CDHR3: variants seen among roughly 807,000 people sequenced by gnomAD.
CDHR3 encodes the protein cadherin related family member 3.
In CDHR3, 79 loss-of-function variants were observed where a neutral mutation model predicts 86.6. The observed-to-expected ratio is 0.91, with a 90% CI of 0.76 to 1.10. The LOEUF is 1.10. Among genes scored for constraint, CDHR3 ranks in the 50% least tolerant of loss-of-function variants. CDHR3 has a pLI of 0.00. For synonymous variants in CDHR3, 421 were observed against 402.4 expected, an observed-to-expected ratio of 1.05 and a Z score of -0.55; for missense variants, 1,081 against 1,077.6, an observed-to-expected ratio of 1.00 and a Z score of -0.04.
At chr7:105,976,663 G>A (rs1250128090) in intron 2 of CDHR3, among the ~76,000 whole-genome samples, 5 of 152,210 alleles carry the variant, frequency 3.3e-5, no homozygotes, top group Middle Eastern at 3.4e-3. Context: ...TGTCTTTATG[G>A]ATTTTCCTAT....
intron 1 of CDHR3, among the ~76,000 whole-genome samples, chr7:105,967,397 A>G (rs1283253299): frequency 6.6e-6 from 1 of 152,218 alleles, no homozygotes; most frequent in African/African-American, 2.4e-5. Context: ...GCTATTGTGA[A>G]TAGTGCCACA....
chr7:105,975,028 G>C lies in CDHR3; in HGVS notation c.231G>C (p.Leu77=), dbSNP rs1269310036. 6.2e-7 allele frequency: 1 copy of C among 1,613,878 alleles called. No individual in the cohort carries two copies. Among genetic ancestry groups the C allele is most frequent in the Non-Finnish European group, 8.5e-7 (1 of 1,179,768 alleles). ...PLTEAFRVNW[L]SGTYFEVVTT... is the part of the protein sequence containing the mutation. ...CTGAAGCTTTTAGGGTGAATTGGCT[G>C]TCAGGCACCTACTTTGAGGTAAGTA... The change falls in exon 2 of 19, where the codon CTG becomes CTC. Residue 77 remains leucine (L), a synonymous_variant. Transcript: ENST00000317716.
chr7:106,020,774 C>A (rs1330464284), intron 13 of CDHR3, among the ~76,000 whole-genome samples: 6 of 152,190 alleles, frequency 3.9e-5, no homozygotes, highest in Admixed American at 2.0e-4. Context: ...AGGCATGCCT[C>A]ATTGCACCCA....
intron 1 of CDHR3, among the ~76,000 whole-genome samples, chr7:105,965,530 A>T (rs1461479159): frequency 6.8e-6 from 1 of 146,094 alleles, no homozygotes; most frequent in Non-Finnish European, 1.5e-5. Flanking sequence ...CATGTGTTCT[A>T]ACTCCTATGC....
chr7:105,973,795 C>T (rs555315709), intron 1 of CDHR3, among the ~76,000 whole-genome samples: 4 of 152,176 alleles, frequency 2.6e-5, no homozygotes, highest in South Asian at 2.1e-4. Flanking sequence ...GGTGAAACCT[C>T]GTCTCTACTA....
Position 106,024,527 on chromosome 7 carries a change from C to T in CDHR3, c.2223C>T (p.His741=), listed in dbSNP as rs1488338920. 1.2e-6 allele frequency: 2 copies of T among 1,613,944 alleles called. No homozygotes were observed. The highest frequency in any genetic ancestry group is 2.2e-5 in the East Asian group (1 of 44,896). The part of the protein sequence containing the change: ...VVLLAKAIHR[H]CPCKTGKNKE... The stretch of plus-strand genomic sequence containing the variant: ...TATTGGCCAAAGCCATCCACAGACA[C>T]TGCCCCTGCAAGACTGGGAAGAACA... The change falls in exon 15 of 19, where the codon CAC becomes CAT. Residue 741 remains histidine, a synonymous_variant. Coordinates refer to ENST00000317716, the MANE Select transcript of CDHR3 (RefSeq NM_152750.5).
chr7:106,032,896 AC>A lies in CDHR3; in HGVS notation c.*200del. The A allele has an allele frequency of 1.8e-6, 1 of 563,260 alleles. No homozygotes were observed. Among genetic ancestry groups the A allele is most frequent in the Non-Finnish European group, 3.1e-6 (1 of 320,834 alleles). 34.9% of individuals were successfully genotyped at this position (563,260 alleles called of 1,614,324 possible). On this transcript the variant is annotated 3_prime_UTR_variant, in exon 19 of 19. Transcript: ENST00000317716. ...ACATAGTTGCGTGTTCTGAAATGAT[AC>A]AGGAACATTTTCTATCAGATTTCAG...
At chr7:106,023,718 C>G (rs960158163) in intron 14 of CDHR3, among the ~76,000 whole-genome samples, 1 of 152,172 alleles carries the variant, frequency 6.6e-6, no homozygotes, top group South Asian at 2.1e-4. Context: ...CTCCCATGCT[C>G]GAGTCAATAT....
chr7:106,014,532 G>A (rs760359419), intron 9 of CDHR3, among the ~76,000 whole-genome samples: 8 of 152,290 alleles, frequency 5.3e-5, no homozygotes, highest in Middle Eastern at 3.4e-3. Context: ...GAGATGGGAG[G>A]ATCATTTGAG....
intron 4 of CDHR3, among the ~76,000 whole-genome samples, chr7:105,991,208 C>G (rs761365324): frequency 1.4e-4 from 21 of 152,158 alleles, no homozygotes; most frequent in Non-Finnish European, 2.4e-4. Flanking sequence ...ATTAAACAAG[C>G]CTTTAAAAAG....
intron 1 of CDHR3, among the ~76,000 whole-genome samples, chr7:105,973,440 G>C (rs972952529): frequency 6.6e-6 from 1 of 152,074 alleles, no homozygotes; most frequent in Non-Finnish European, 1.5e-5. Flanking sequence ...GTTCCTGCTG[G>C]GGGCTCTGAG....
At position 105,971,639 on chromosome 7, in the gene CDHR3, C is replaced by T. The variant is rs139741075; in HGVS notation, c.47-3205C>T. Among the ~76,000 whole-genome samples the T allele has an allele frequency of 2.0e-4, 30 of 152,270 alleles. No individual in the cohort carries two copies. In the East Asian group the frequency reaches 5.4e-3, roughly 27 times the overall value. ...AGAAAATCAGTGGATATACTTCTAG[C>T]AAAGCAAACCAGGAGCTATCAGCAG... On this transcript the variant is annotated intron_variant, in intron 1 of 18. Coordinates refer to ENST00000317716, the MANE Select transcript of CDHR3 (RefSeq NM_152750.5).
intron 3 of CDHR3, among the ~76,000 whole-genome samples, chr7:105,982,154 ACT>A (rs1157206161): frequency 6.6e-6 from 1 of 152,050 alleles, no homozygotes; most frequent in Non-Finnish European, 1.5e-5. Flanking sequence ...TTCCCGTCTC[ACT>A]CAAAGGGAGT....
rs552936182 is a variant in CDHR3 at position 105,996,241 on chromosome 7, C to T, written c.609-9C>T. The T allele has an allele frequency of 2.7e-6, 4 of 1,497,432 alleles. No homozygotes were observed. In the South Asian group the frequency reaches 3.4e-5, roughly 13 times the overall value. 92.8% of individuals were successfully genotyped at this position (1,497,432 alleles called of 1,614,324 possible). On this transcript the variant is annotated splice_polypyrimidine_tract_variant and intron_variant, in intron 5 of 18. Transcript: ENST00000317716. ...CTTGATTCTCTCACGTGGAATGTTTCCCTGGCAGTTTCCATCTCATCGTGG... is the reference window on the plus strand; with the variant it reads ...CTTGATTCTCTCACGTGGAATGTTTTCCTGGCAGTTTCCATCTCATCGTGG...
At chr7:105,985,816 T>G (rs1001593423) in intron 4 of CDHR3, among the ~76,000 whole-genome samples, 7 of 151,806 alleles carry the variant, frequency 4.6e-5, no homozygotes, top group African/African-American at 1.7e-4. Context: ...CTTCTCATAC[T>G]AGTTAGGAAT....
chr7:105,979,949 C>T (rs1434486513), intron 2 of CDHR3, among the ~76,000 whole-genome samples: 5 of 152,140 alleles, frequency 3.3e-5, no homozygotes, highest in African/African-American at 7.2e-5. Context: ...CAGCAGGACC[C>T]TCCCAACACA....
At chr7:105,975,100 A>G (rs1828596006) in intron 2 of CDHR3, 54 bp downstream of exon 2, 3 of 1,357,328 alleles carry the variant, frequency 2.2e-6, no homozygotes, top group Non-Finnish European at 3.2e-6. Flanking sequence ...GATCCTGAAA[A>G]TGAGGGTGGA....
intron 2 of CDHR3, among the ~76,000 whole-genome samples, chr7:105,979,964 G>A (rs1346035821): frequency 6.6e-6 from 1 of 152,078 alleles, no homozygotes; most frequent in African/African-American, 2.4e-5. Flanking sequence ...AACACAGACC[G>A]CCAGAGTTCC....
rs575414703 is a variant in CDHR3 at position 106,012,252 on chromosome 7, A to G, written c.1053-608A>G. On this transcript the variant is annotated intron_variant, in intron 8 of 18. Coordinates refer to ENST00000317716, the MANE Select transcript of CDHR3 (RefSeq NM_152750.5). ...GAAATATATGGTGTACCAGATAATG[A>G]TGTGTGCTAGGAATTAAAAATAAAG... Among the ~76,000 whole-genome samples, 3 of 152,256 alleles carry G rather than the reference A, an allele frequency of 2.0e-5. No individual in the cohort carries two copies. In the East Asian group the frequency reaches 5.8e-4, roughly 29 times the overall value.
Sources: allele counts gnomAD v4.1 joint callset (sites outside exome capture counted in the v4.1 genomes callset), GRCh38; gene constraint gnomAD v4.1.1; transcripts MANE v1.5; gene names NCBI Gene and HGNC (gene_info 2026-07-23, HGNC 2026-07-21).